The following POGLUT1 variants were observed in gnomAD, a reference collection of about 807,000 sequenced individuals.
The protein encoded by POGLUT1 is protein O-glucosyltransferase 1.
In POGLUT1, 32 loss-of-function variants were observed where a neutral mutation model predicts 61.3. That is an observed-to-expected ratio of 0.52 (90% CI 0.39 to 0.70). The LOEUF is 0.70. POGLUT1 is among the 30% of genes least tolerant of loss of function. POGLUT1 has a pLI of 0.00. For synonymous variants in POGLUT1, 158 were observed against 158.2 expected, an observed-to-expected ratio of 1.00 and a Z score of 0.01; for missense variants, 411 against 469.8, an observed-to-expected ratio of 0.87 and a Z score of 1.16.
intron 3 of POGLUT1, among the ~76,000 whole-genome samples, chr3:119,472,969 T>G (rs2081493069): frequency 6.6e-6 from 1 of 152,094 alleles, no homozygotes; most frequent in Non-Finnish European, 1.5e-5. Flanking sequence ...AGGTCAAGGC[T>G]GCAGTAAGCC....
chr3:119,492,292 T>TTTA lies in POGLUT1; in HGVS notation c.1037_1039dup (p.Ile346dup). ...AAATCTTGTCTCTAGGGGAAGCCAG[T>TTTA]TTATTAGGAACCATTTGCAGATGGA... On this transcript the variant is annotated inframe_insertion, in exon 11 of 11. Transcript: ENST00000295588. 1 of 1,601,498 alleles carries TTTA rather than the reference T, an allele frequency of 6.2e-7. No individual in the cohort carries two copies. The highest frequency in any genetic ancestry group is 1.1e-5 in the South Asian group (1 of 88,846).
chr3:119,479,930 A>AAAT (rs1330389271), intron 4 of POGLUT1, 121 bp from the exon 5 acceptor site: 13 of 1,555,432 alleles, frequency 8.4e-6, no homozygotes, highest in Non-Finnish European at 1.1e-5. Context: ...AAAATAGGGA[A>AAAT]AATATATCTT....
chr3:119,470,643 C>T (rs1389323551), intron 2 of POGLUT1, among the ~76,000 whole-genome samples: 4 of 152,142 alleles, frequency 2.6e-5, no homozygotes, highest in African/African-American at 9.7e-5. Context: ...TGAAAACAGA[C>T]TTGGGTGTTG....
chr3:119,481,535 T>C (rs1202592830), intron 5 of POGLUT1, among the ~76,000 whole-genome samples: 1 of 152,232 alleles, frequency 6.6e-6, no homozygotes, highest in Admixed American at 6.5e-5. Context: ...TAAGGTAATA[T>C]TCCCTTCCTG....
rs1265186645 is a variant in POGLUT1, at chr3:119,479,501, A to G, written c.457-550A>G. The stretch of plus-strand genomic sequence containing the variant: ...TTGATATTATTGTTTCCCCCATTAC[A>G]GTGATAAGGAAGCTGAGGCATAGAA... On this transcript the variant is annotated intron_variant, in intron 4 of 10. Transcript: ENST00000295588. 2.6e-5 allele frequency among the ~76,000 whole-genome samples: 4 copies of G among 152,328 alleles called. No homozygotes were observed. The East Asian group carries it at 7.7e-4, about 29-fold the overall frequency.
chr3:119,468,995 G>T lies in POGLUT1; in HGVS notation c.-27G>T. ...GCCGCGCTTCCGCCAGCGCCGCAGC[G>T]GGGAATCTGCAGTAGGTCTGCCGGC... On this transcript the variant is annotated 5_prime_UTR_variant, in exon 1 of 11. Coordinates refer to ENST00000295588, the MANE Select transcript of POGLUT1 (RefSeq NM_152305.3). 1 of 1,591,684 alleles carries T rather than the reference G, an allele frequency of 6.3e-7. No individual in the cohort carries two copies. The highest frequency in any genetic ancestry group is 1.7e-5 in the Admixed American group (1 of 59,074).
chr3:119,472,251 CAGAG>C (rs555336806), intron 3 of POGLUT1, among the ~76,000 whole-genome samples: 88 of 151,316 alleles, frequency 5.8e-4, no homozygotes, highest in African/African-American at 2.1e-3. Flanking sequence ...GTACAAAACT[CAGAG>C]GGCATAATAT....
rs11918271 is a variant in POGLUT1, at chr3:119,492,061, T to A, written c.1023-221T>A. On this transcript the variant is annotated intron_variant, in intron 10 of 10. Transcript: ENST00000295588. ...AAGAGCGAAACTCCGTCTCAAAAAA[T>A]AAATAAATAAATAAATAAATAAAGG... is the stretch of plus-strand genomic sequence containing the variant. 0.15 allele frequency among the ~76,000 whole-genome samples: 22,422 copies of A among 151,036 alleles called. 4,401 individuals are homozygous for A. The highest frequency in any genetic ancestry group is 0.45 in the African/African-American group (18,518 of 40,900).
chr3:119,486,489 C>T (rs1175748851), intron 6 of POGLUT1, among the ~76,000 whole-genome samples: 1 of 152,190 alleles, frequency 6.6e-6, no homozygotes, highest in African/African-American at 2.4e-5. Context: ...CCTAGCCTCA[C>T]AGTTATGAGC....
At chr3:119,487,165 G>A (rs2081674888) in intron 7 of POGLUT1, 2 of 502,910 alleles carry the variant, frequency 4.0e-6, no homozygotes, top group South Asian at 2.6e-5. Context: ...TAAACCAGGG[G>A]TCACAAACTT....
Position 119,471,341 on chromosome 3 carries a change from G to A in POGLUT1, c.209G>A (p.Gly70Glu), listed in dbSNP as rs2081470312. The A allele has an allele frequency of 6.2e-7, 1 of 1,613,974 alleles. No individual in the cohort carries two copies. Among genetic ancestry groups the A allele is most frequent in the Non-Finnish European group, 8.5e-7 (1 of 1,179,834 alleles). Residue 70 changes from glycine (G) to glutamate (E), a missense_variant, in exon 3 of 11, where the codon GGA becomes GAA. By Grantham distance (98) the Gly-to-Glu change is moderately conservative (BLOSUM62 -2). Transcript: ENST00000295588. ...GAAGAGGATCTAACTCCTTTCCGAG[G>A]AGGCATCTCCAGGAAGATGATGGCA... Reference protein sequence around the residue: ...VIEEDLTPFRGGISRKMMAEV... With the variant: ...VIEEDLTPFREGISRKMMAEV...
At chr3:119,469,251 G>A in intron 1 of POGLUT1, 145 bp downstream of exon 1, 1 of 667,128 alleles carries the variant, frequency 1.5e-6, no homozygotes, top group Non-Finnish European at 2.6e-6. Flanking sequence ...GGCGCCTTGC[G>A]GCGGAGAGTG....
intron 5 of POGLUT1, 94 bp from the exon 6 acceptor site, chr3:119,485,234 A>G (rs1577085012): frequency 2.5e-6 from 2 of 796,412 alleles, no homozygotes; most frequent in African/African-American, 1.8e-5. Context: ...AAAAAGAAAT[A>G]TGAAGCTCTG....
In POGLUT1 at chr3:119,491,520, A is replaced by T; in HGVS notation, c.968A>T (p.Glu323Val). 6.7e-7 allele frequency: 1 copy of T among 1,485,472 alleles called. No homozygotes were observed. Among genetic ancestry groups the T allele is most frequent in the Non-Finnish European group, 9.3e-7 (1 of 1,075,832 alleles). The allele number at this position is 1,485,472 out of a possible 1,614,324, so 92.0% of individuals were successfully genotyped here. The change falls in exon 10 of 11, where the codon GAG becomes GTG. Residue 323 changes from glutamate to valine, a missense_variant and splice_region_variant. Physicochemically the swap from Glu to Val is moderately radical, Grantham distance 121. Coordinates refer to ENST00000295588, the MANE Select transcript of POGLUT1 (RefSeq NM_152305.3). ...GTCTAAAATTCTTTTCATTTTAGAG[A>T]GCTGTTACAATTTGTAAAAGCAAAT... ...PVKTDLSNVQ[E>V]LLQFVKANDD...
At chr3:119,474,067 T>G (rs1560031052) in intron 3 of POGLUT1, among the ~76,000 whole-genome samples, 1 of 152,212 alleles carries the variant, frequency 6.6e-6, no homozygotes, top group Non-Finnish European at 1.5e-5. Context: ...GTTTATCTAA[T>G]TAATGCTAGA....
rs1322898719 is a variant in POGLUT1 at position 119,480,186 on chromosome 3, A to AAAT, written c.578+14_578+15insAAT. 1 of 1,536,576 alleles carries AAAT rather than the reference A, an allele frequency of 6.5e-7. No individual in the cohort carries two copies. The highest frequency in any genetic ancestry group is 1.2e-5 in the South Asian group (1 of 80,230). ...AGATCTGGTAAGGTAGGTCCTTTAA[A>AAAT]GAGGTTTTATTTTTTCTCTTTCTGG... On this transcript the variant is annotated intron_variant, in intron 5 of 10. Coordinates refer to ENST00000295588, the MANE Select transcript of POGLUT1 (RefSeq NM_152305.3).
rs796286398 is a variant in POGLUT1, at chr3:119,478,868, G to A, written c.457-1183G>A. On this transcript the variant is annotated intron_variant, in intron 4 of 10. Coordinates refer to ENST00000295588, the MANE Select transcript of POGLUT1 (RefSeq NM_152305.3). ...TCACACCTGTAATCCCAGCACTTTG[G>A]GAGGCCGAGGCAGGTGGATCAAAAA... Among the ~76,000 whole-genome samples, 20 of 150,010 alleles carry A rather than the reference G, an allele frequency of 1.3e-4. 1 individual carries two copies. The highest frequency in any genetic ancestry group is 4.9e-4 in the African/African-American group (20 of 40,568).
intron 4 of POGLUT1, among the ~76,000 whole-genome samples, chr3:119,479,432 A>G (rs2081581524): frequency 6.6e-6 from 1 of 152,164 alleles, no homozygotes; most frequent in Non-Finnish European, 1.5e-5. Context: ...ACGTGTATCA[A>G]CTCATTTAAT....
chr3:119,482,428 T>C (rs1356241927), intron 5 of POGLUT1, among the ~76,000 whole-genome samples: 3 of 152,182 alleles, frequency 2.0e-5, no homozygotes, highest in African/African-American at 7.2e-5. Context: ...AGGATCTCAC[T>C]ATGTTGCCCA....
Sources: gnomAD v4.1 joint callset for allele counts (sites outside exome capture counted in the v4.1 genomes callset) on GRCh38, gnomAD v4.1.1 for gene constraint, MANE v1.5 for transcripts, NCBI Gene and HGNC (gene_info 2026-07-23, HGNC 2026-07-21) for gene names.